Variants in FGF12 observed in about 807,000 individuals in gnomAD.
FGF12 encodes fibroblast growth factor 12, also known as fibroblast growth factor 12B.
Under a neutral mutation model 23.6 loss-of-function variants are expected in FGF12, and 14 were observed. The ratio of observed to expected loss-of-function variants is 0.59; its 90% confidence interval spans 0.39 to 0.93. The LOEUF (loss-of-function observed/expected upper bound fraction) is 0.93. Ranked by LOEUF, FGF12 falls within the 40% of genes least tolerant of loss-of-function variation. FGF12 has a pLI of 0.00. For missense variants in FGF12, 175 were observed against 217.8 expected (o/e 0.80, Z 1.24); for synonymous variants, 62 against 77.3 (o/e 0.80, Z 1.04).
chr3:192,631,009 C>T (rs80281201), intron 2 of FGF12, among the ~76,000 whole-genome samples: 14,718 of 152,170 alleles, frequency 0.097, 900 homozygotes, highest in Non-Finnish European at 0.14. Context: ...TGCCTCATAA[C>T]ACAATTTACT....
chr3:192,454,844 T>C (rs1722631838), intron 2 of FGF12, among the ~76,000 whole-genome samples: 1 of 152,202 alleles, frequency 6.6e-6, no homozygotes, highest in African/African-American at 2.4e-5. Flanking sequence ...GTCTGGTACA[T>C]AACCAGACAA....
intron 4 of FGF12, among the ~76,000 whole-genome samples, chr3:192,299,539 A>G (rs1715224599): frequency 6.6e-6 from 1 of 152,234 alleles, no homozygotes; most frequent in African/African-American, 2.4e-5. Context: ...CTTCTATGGC[A>G]TACTACACCA....
At chr3:192,263,201 T>G (rs1274886808) in intron 4 of FGF12, among the ~76,000 whole-genome samples, 1 of 152,078 alleles carries the variant, frequency 6.6e-6, no homozygotes. Flanking sequence ...AATGGTCCAT[T>G]GTAAAATGTT....
At position 192,662,638 on chromosome 3, in the gene FGF12, C is replaced by T. The variant is rs79262711; in HGVS notation, c.13+64543G>A. The stretch of plus-strand genomic sequence containing the variant: ...TCCAGTTTTTACAGATTCAGTGCCT[C>T]AAGCTGGGGTTTCTACAACTAATGC... On this transcript the variant is annotated intron_variant, in intron 2 of 5. Coordinates refer to ENST00000445105, the MANE Select transcript of FGF12 (RefSeq NM_004113.6). Among the ~76,000 whole-genome samples, 285 of 152,288 alleles carry T rather than the reference C, an allele frequency of 1.9e-3. 1 individual carries two copies. In the East Asian group the frequency reaches 0.022, roughly 12 times the overall value.
At chr3:192,622,965 G>A (rs1389588207) in intron 2 of FGF12, among the ~76,000 whole-genome samples, 1 of 152,152 alleles carries the variant, frequency 6.6e-6, no homozygotes, top group African/African-American at 2.4e-5. Flanking sequence ...TAATATATTA[G>A]AAATAAAACC....
At chr3:192,671,081 A>T (rs1034888582) in intron 2 of FGF12, among the ~76,000 whole-genome samples, 3 of 152,214 alleles carry the variant, frequency 2.0e-5, no homozygotes, top group Non-Finnish European at 4.4e-5. Flanking sequence ...TAAGTACGAA[A>T]ATAGGTTTTC....
chr3:192,377,332 A>G (rs1197649976), intron 2 of FGF12, among the ~76,000 whole-genome samples: 1 of 152,206 alleles, frequency 6.6e-6, no homozygotes, highest in African/African-American at 2.4e-5. Flanking sequence ...CGCCACCTGA[A>G]GTACAGAAAC....
intron 2 of FGF12, among the ~76,000 whole-genome samples, chr3:192,470,792 C>A (rs9857764): frequency 0.1 from 15,483 of 152,098 alleles, 2,551 homozygotes; most frequent in African/African-American, 0.34. Context: ...TCTCTTCATT[C>A]TCCATGTTCA....
chr3:192,573,063 T>C (rs1015158370), intron 2 of FGF12, among the ~76,000 whole-genome samples: 3 of 152,154 alleles, frequency 2.0e-5, no homozygotes, highest in African/African-American at 7.2e-5. Context: ...ACAGAAGTAA[T>C]GAGCAAAACT....
chr3:192,677,490 C>T (rs1482264999), intron 2 of FGF12, among the ~76,000 whole-genome samples: 5 of 152,156 alleles, frequency 3.3e-5, no homozygotes, highest in Non-Finnish European at 7.3e-5. Context: ...ACAGAATTTC[C>T]AGTTGTTTCA....
At chr3:192,687,164 CAAAA>C (rs558366691) in intron 2 of FGF12, among the ~76,000 whole-genome samples, 3 of 105,418 alleles carry the variant, frequency 2.8e-5, no homozygotes, top group Non-Finnish European at 4.2e-5. Flanking sequence ...TCTCTCACAT[CAAAA>C]AAAAAAAAAA....
intron 4 of FGF12, among the ~76,000 whole-genome samples, chr3:192,175,616 T>C (rs968488264): frequency 2.0e-5 from 3 of 152,216 alleles, no homozygotes; most frequent in Non-Finnish European, 4.4e-5. Flanking sequence ...GAGTTTTTGT[T>C]CTATCATGGT....
chr3:192,598,541 T>G (rs535028415), intron 2 of FGF12, among the ~76,000 whole-genome samples: 21 of 152,288 alleles, frequency 1.4e-4, no homozygotes, highest in African/African-American at 5.1e-4. Flanking sequence ...GGTCTTGATA[T>G]TCCTTAGAGG....
At chr3:192,624,018 CA>C (rs1234084574) in intron 2 of FGF12, among the ~76,000 whole-genome samples, 2 of 152,086 alleles carry the variant, frequency 1.3e-5, no homozygotes. Context: ...GAAAACACAC[CA>C]TATCTTGAAC....
chr3:192,466,055 T>C (rs997651478), intron 2 of FGF12, among the ~76,000 whole-genome samples: 2 of 152,146 alleles, frequency 1.3e-5, no homozygotes, highest in African/African-American at 4.8e-5. Context: ...TACACAAACC[T>C]AGATGGTGCA....
intron 5 of FGF12, among the ~76,000 whole-genome samples, chr3:192,147,042 A>G (rs892671362): frequency 6.6e-6 from 1 of 152,238 alleles, no homozygotes; most frequent in African/African-American, 2.4e-5. Context: ...TTCACTGATG[A>G]AAACTGCCCC....
intron 2 of FGF12, among the ~76,000 whole-genome samples, chr3:192,549,710 C>A (rs938149833): frequency 2.0e-5 from 3 of 152,076 alleles, no homozygotes; most frequent in African/African-American, 7.2e-5. Context: ...CAATTGAAGA[C>A]CTGAATAGAC....
At chr3:192,361,698 A>C (rs886503861) in intron 2 of FGF12, among the ~76,000 whole-genome samples, 2 of 152,216 alleles carry the variant, frequency 1.3e-5, no homozygotes, top group African/African-American at 4.8e-5. Flanking sequence ...TAGGTCTAAA[A>C]GAATTCTAGT....
chr3:192,572,919 T>C (rs918363332), intron 2 of FGF12, among the ~76,000 whole-genome samples: 8 of 152,132 alleles, frequency 5.3e-5, no homozygotes, highest in African/African-American at 1.7e-4. Context: ...AATTACTTTA[T>C]ATAAAATAAA....
Sources: gnomAD v4.1 joint callset for allele counts (sites outside exome capture counted in the v4.1 genomes callset) on GRCh38, gnomAD v4.1.1 for gene constraint, MANE v1.5 for transcripts, NCBI Gene and HGNC (gene_info 2026-07-23, HGNC 2026-07-21) for gene names.